Variants in ZNF385B observed in about 807,000 individuals in gnomAD.
ZNF385B encodes the protein zinc finger protein 385B.
ZNF385B carries 23 observed loss-of-function variants against 39.2 expected under a neutral mutation model. That is an observed-to-expected ratio of 0.59 (90% CI 0.42 to 0.83). The LOEUF (loss-of-function observed/expected upper bound fraction) is 0.83. ZNF385B is among the 40% of genes least tolerant of loss of function. The pLI, the probability that ZNF385B is intolerant of heterozygous loss-of-function variation, is 0.00. For synonymous variants in ZNF385B, 205 were observed against 222.6 expected (o/e 0.92, Z 0.70); for missense variants, 552 against 598.9 (o/e 0.92, Z 0.82).
chr2:179,558,230 A>C (rs1033729083), intron 3 of ZNF385B, among the ~76,000 whole-genome samples: 1 of 152,146 alleles, frequency 6.6e-6, no homozygotes, highest in African/African-American at 2.4e-5. Flanking sequence ...GAGCCAGGCT[A>C]AAGGGATCTG....
At chr2:179,678,141 A>G (rs1697109497) in intron 3 of ZNF385B, among the ~76,000 whole-genome samples, 1 of 152,192 alleles carries the variant, frequency 6.6e-6, no homozygotes. Flanking sequence ...TTCACTCATG[A>G]CCAAGTTATT....
chr2:179,786,279 G>A (rs193019896), intron 1 of ZNF385B, among the ~76,000 whole-genome samples: 33 of 152,150 alleles, frequency 2.2e-4, no homozygotes, highest in Admixed American at 2.0e-3. Flanking sequence ...TACTGTGGTG[G>A]TCTGGAATCC....
At chr2:179,616,758 G>A (rs970154385) in intron 3 of ZNF385B, among the ~76,000 whole-genome samples, 2 of 151,986 alleles carry the variant, frequency 1.3e-5, no homozygotes, top group African/African-American at 4.8e-5. Context: ...ACAGGGTCTC[G>A]CTATGTTGCC....
At chr2:179,628,180 C>T (rs1690846287) in intron 3 of ZNF385B, among the ~76,000 whole-genome samples, 1 of 152,156 alleles carries the variant, frequency 6.6e-6, no homozygotes, top group Non-Finnish European at 1.5e-5. Context: ...TTAAAATTAT[C>T]AGTAATTCTT....
chr2:179,652,374 G>C (rs1693272894), intron 3 of ZNF385B, among the ~76,000 whole-genome samples: 1 of 152,112 alleles, frequency 6.6e-6, no homozygotes, highest in Non-Finnish European at 1.5e-5. Flanking sequence ...TTAACACTGT[G>C]ACTGAATTGT....
intron 3 of ZNF385B, among the ~76,000 whole-genome samples, chr2:179,647,277 T>A (rs1243273479): frequency 6.6e-6 from 1 of 152,224 alleles, no homozygotes; most frequent in African/African-American, 2.4e-5. Context: ...TTAATCTTTT[T>A]TTTTTGATAC....
chr2:179,766,176 G>A (rs952486796), intron 3 of ZNF385B, among the ~76,000 whole-genome samples: 1 of 152,042 alleles, frequency 6.6e-6, no homozygotes, highest in Non-Finnish European at 1.5e-5. Flanking sequence ...ACTTCCAGTG[G>A]TTAGGGGTCA....
chr2:179,493,510 C>CGTATACATATGTGTGTACATATATGA (rs2055526903), intron 5 of ZNF385B, among the ~76,000 whole-genome samples: 1 of 150,060 alleles, frequency 6.7e-6, no homozygotes, highest in Non-Finnish European at 1.5e-5. Context: ...TACATATATG[C>CGTATACATATGTGTGTACATATATGA]GTATACATAT....
intron 1 of ZNF385B, among the ~76,000 whole-genome samples, chr2:179,799,775 A>C (rs1211106148): frequency 1.3e-5 from 2 of 152,130 alleles, no homozygotes; most frequent in Non-Finnish European, 2.9e-5. Flanking sequence ...AAGCATAATA[A>C]GCAGGGAATT....
chr2:179,731,724 A>T (rs182140110), intron 3 of ZNF385B, among the ~76,000 whole-genome samples: 2 of 152,288 alleles, frequency 1.3e-5, no homozygotes, highest in Admixed American at 1.3e-4. Context: ...GAGTTCAAGG[A>T]AGCAGTGAGC....
chr2:179,607,032 C>A (rs557219428), intron 3 of ZNF385B, among the ~76,000 whole-genome samples: 1 of 152,180 alleles, frequency 6.6e-6, no homozygotes, highest in South Asian at 2.1e-4. Context: ...ATTTATCGAT[C>A]CAGATTATTT....
intron 3 of ZNF385B, among the ~76,000 whole-genome samples, chr2:179,680,512 G>C (rs1208118280): frequency 1.3e-5 from 2 of 152,070 alleles, no homozygotes; most frequent in Non-Finnish European, 2.9e-5. Flanking sequence ...AGAGCATACG[G>C]GGACCTTCTG....
At chr2:179,525,442 C>T (rs2058827492) in intron 4 of ZNF385B, among the ~76,000 whole-genome samples, 1 of 151,782 alleles carries the variant, frequency 6.6e-6, no homozygotes, top group Non-Finnish European at 1.5e-5. Context: ...TGGGTTTGCA[C>T]ACAGAAAAAA....
chr2:179,851,639 G>A (rs147553869), intron 1 of ZNF385B, among the ~76,000 whole-genome samples: 152 of 152,212 alleles, frequency 1.0e-3, no homozygotes, highest in Admixed American at 2.2e-3. Flanking sequence ...CACTATTGCT[G>A]GATTTTAAAA....
intron 6 of ZNF385B, among the ~76,000 whole-genome samples, chr2:179,458,273 G>T (rs903264361): frequency 6.6e-6 from 1 of 152,152 alleles, no homozygotes; most frequent in Non-Finnish European, 1.5e-5. Flanking sequence ...AGTCTCACGA[G>T]ATCTGATGGT....
chr2:179,516,632 T>C (rs2058106081), intron 5 of ZNF385B, among the ~76,000 whole-genome samples: 1 of 152,102 alleles, frequency 6.6e-6, no homozygotes. Flanking sequence ...TATTATTGAG[T>C]TATAAATTAT....
chr2:179,495,762 C>T (rs2056136174), intron 5 of ZNF385B, among the ~76,000 whole-genome samples: 1 of 152,168 alleles, frequency 6.6e-6, no homozygotes, highest in Admixed American at 6.5e-5. Flanking sequence ...CAAGGTGGTA[C>T]CTCTATGAGT....
chr2:179,838,609 C>G (rs138044706), intron 1 of ZNF385B, among the ~76,000 whole-genome samples: 1 of 151,922 alleles, frequency 6.6e-6, no homozygotes, highest in African/African-American at 2.4e-5. Context: ...CAAGATTCCT[C>G]GGGAAAGGAA....
intron 3 of ZNF385B, among the ~76,000 whole-genome samples, chr2:179,590,174 G>T (rs939290085): frequency 6.6e-6 from 1 of 152,164 alleles, no homozygotes; most frequent in Admixed American, 6.5e-5. Context: ...AGGGTTATCA[G>T]CATTGAACAA....
Sources: gnomAD v4.1 joint callset for allele counts (sites outside exome capture counted in the v4.1 genomes callset) on GRCh38, gnomAD v4.1.1 for gene constraint, MANE v1.5 for transcripts, NCBI Gene and HGNC (gene_info 2026-07-23, HGNC 2026-07-21) for gene names.